The following MFHAS1 variants were observed in gnomAD, a reference collection of about 807,000 sequenced individuals.
The protein encoded by MFHAS1 is malignant fibrous histiocytoma-amplified sequence 1.
A neutral mutation model predicts 70.4 loss-of-function variants in MFHAS1; 50 were observed. That is an observed-to-expected ratio of 0.71 (90% CI 0.57 to 0.90). The LOEUF (loss-of-function observed/expected upper bound fraction) is 0.90. MFHAS1 is among the 40% of genes least tolerant of loss of function. MFHAS1 has a pLI of 0.00. For missense variants in MFHAS1, 1,795 were observed against 1,347.6 expected, an observed-to-expected ratio of 1.33 and a Z score of -5.20; for synonymous variants, 952 against 620.0, an observed-to-expected ratio of 1.54 and a Z score of -7.96.
At position 8,830,498 on chromosome 8, in the gene MFHAS1, T is replaced by C. The variant is rs1807345653; in HGVS notation, c.2999-33007A>G. 2.6e-5 allele frequency among the ~76,000 whole-genome samples: 4 copies of C among 152,136 alleles called. No individual in the cohort carries two copies. In the South Asian group the frequency reaches 8.3e-4, roughly 31 times the overall value. On this transcript the variant is annotated intron_variant, in intron 1 of 2. Coordinates refer to ENST00000276282, the MANE Select transcript of MFHAS1 (RefSeq NM_004225.3). ...CAGGTTATTAAATTTAAATAGGACA[T>C]TAGTGGGGGCTATTCTAGAGTTCTC...
intron 1 of MFHAS1, among the ~76,000 whole-genome samples, chr8:8,858,974 G>A (rs1043130198): frequency 6.6e-6 from 1 of 152,130 alleles, no homozygotes; most frequent in Admixed American, 6.6e-5. Flanking sequence ...CAGCTCCAGC[G>A]GATGTTACTT....
intron 2 of MFHAS1, among the ~76,000 whole-genome samples, chr8:8,787,272 G>C (rs1394109085): frequency 7.9e-5 from 12 of 152,000 alleles, no homozygotes; most frequent in African/African-American, 4.8e-5. Context: ...AGTAGAGATG[G>C]GGTTTCACCA....
chr8:8,883,314 G>T (rs527529549), intron 1 of MFHAS1, among the ~76,000 whole-genome samples: 1 of 152,186 alleles, frequency 6.6e-6, no homozygotes, highest in Non-Finnish European at 1.5e-5. Flanking sequence ...GGGCAGTACT[G>T]GGCCTGCACC....
intron 1 of MFHAS1, among the ~76,000 whole-genome samples, chr8:8,851,684 C>G (rs1473133753): frequency 6.6e-6 from 1 of 152,130 alleles, no homozygotes; most frequent in Non-Finnish European, 1.5e-5. Context: ...CTTCCTCTTG[C>G]CTTGTTTTTC....
chr8:8,787,013 T>G (rs1327710625), intron 2 of MFHAS1, among the ~76,000 whole-genome samples: 1 of 152,080 alleles, frequency 6.6e-6, no homozygotes, highest in African/African-American at 2.4e-5. Flanking sequence ...GGTTGTTCAC[T>G]CTAGTGCATT....
At chr8:8,872,327 G>A (rs1473311093) in intron 1 of MFHAS1, among the ~76,000 whole-genome samples, 2 of 152,084 alleles carry the variant, frequency 1.3e-5, no homozygotes. Context: ...ATCCCCCCAT[G>A]AATAAATGTG....
At chr8:8,822,361 G>C (rs912290583) in intron 1 of MFHAS1, among the ~76,000 whole-genome samples, 10 of 152,194 alleles carry the variant, frequency 6.6e-5, no homozygotes, top group Admixed American at 2.0e-4. Flanking sequence ...GCACTGAGAC[G>C]TGACCATGCC....
intron 1 of MFHAS1, among the ~76,000 whole-genome samples, chr8:8,842,438 A>G (rs1807867150): frequency 6.6e-6 from 1 of 152,132 alleles, no homozygotes; most frequent in Admixed American, 6.5e-5. Flanking sequence ...CACCCACCTC[A>G]GCCTCCCAAA....
At chr8:8,856,900 T>G (rs545779407) in intron 1 of MFHAS1, among the ~76,000 whole-genome samples, 1 of 147,382 alleles carries the variant, frequency 6.8e-6, no homozygotes, top group East Asian at 2.0e-4. Flanking sequence ...ACTAGGATTC[T>G]CTAGATCAGA....
intron 1 of MFHAS1, among the ~76,000 whole-genome samples, chr8:8,871,102 C>T (rs548826186): frequency 6.6e-6 from 1 of 152,142 alleles, no homozygotes. Flanking sequence ...AGGGTGACAG[C>T]AAAGACCATA....
At chr8:8,824,337 A>T (rs554336290) in intron 1 of MFHAS1, among the ~76,000 whole-genome samples, 10 of 152,160 alleles carry the variant, frequency 6.6e-5, no homozygotes, top group African/African-American at 2.4e-4. Context: ...CCAAGCACAC[A>T]GGGTACCCCG....
intron 2 of MFHAS1, among the ~76,000 whole-genome samples, chr8:8,788,559 G>T (rs1231896126): frequency 1.3e-5 from 2 of 152,092 alleles, no homozygotes; most frequent in African/African-American, 2.4e-5. Context: ...CATGCCTGTA[G>T]TCCCAGCTAC....
chr8:8,787,130 G>C (rs1805573731), intron 2 of MFHAS1, among the ~76,000 whole-genome samples: 1 of 150,922 alleles, frequency 6.6e-6, no homozygotes, highest in South Asian at 2.1e-4. Context: ...GCCCAGGCTG[G>C]AGTGCAGTGG....
intron 1 of MFHAS1, among the ~76,000 whole-genome samples, chr8:8,828,198 A>G (rs1807235745): frequency 6.6e-6 from 1 of 152,250 alleles, no homozygotes; most frequent in African/African-American, 2.4e-5. Flanking sequence ...TGTGTCGCTT[A>G]CAACCAAGAG....
At chr8:8,881,098 C>G (rs72626639) in intron 1 of MFHAS1, among the ~76,000 whole-genome samples, 40,407 of 152,054 alleles carry the variant, frequency 0.27, 6,449 homozygotes, top group East Asian at 0.46. Context: ...CCTGCTCCAA[C>G]GTGCACTTTT....
intron 2 of MFHAS1, 47 bp from the exon 3 acceptor site, chr8:8,786,102 T>C (rs373883249): frequency 6.0e-6 from 9 of 1,503,524 alleles, no homozygotes; most frequent in East Asian, 2.3e-5. Context: ...AAAAACGTAC[T>C]GGACAATGCT....
chr8:8,880,073 C>T (rs144822995), intron 1 of MFHAS1, among the ~76,000 whole-genome samples: 3 of 152,340 alleles, frequency 2.0e-5, no homozygotes, highest in Non-Finnish European at 4.4e-5. Context: ...ATCACATACA[C>T]CCTAGAACAG....
Position 8,811,991 on chromosome 8 carries a change from C to A in MFHAS1, c.2999-14500G>T, listed in dbSNP as rs957890792. ...ATGCCATCCAAGGGCAAACAAAAAA[C>A]CCCAAAACCAGAAGCACTCCAGGAA... On this transcript the variant is annotated intron_variant, in intron 1 of 2. Coordinates refer to ENST00000276282, the MANE Select transcript of MFHAS1 (RefSeq NM_004225.3). Among the ~76,000 whole-genome samples, 25 of 152,200 alleles carry A rather than the reference C, an allele frequency of 1.6e-4. 1 individual carries two copies. Among genetic ancestry groups the A allele is most frequent in the African/African-American group, 5.3e-4 (22 of 41,446 alleles).
intron 1 of MFHAS1, among the ~76,000 whole-genome samples, chr8:8,885,913 G>A (rs534108797): frequency 6.6e-6 from 1 of 152,102 alleles, no homozygotes; most frequent in African/African-American, 2.4e-5. Context: ...GGTTTCACCA[G>A]GTTGACCAGG....
Sources: gnomAD v4.1 joint callset for allele counts (sites outside exome capture counted in the v4.1 genomes callset) on GRCh38, gnomAD v4.1.1 for gene constraint, MANE v1.5 for transcripts, NCBI Gene and HGNC (gene_info 2026-07-23, HGNC 2026-07-21) for gene names.